The following KCNMB2 variants were observed in gnomAD, a reference collection of about 807,000 sequenced individuals.
KCNMB2 encodes the protein potassium calcium-activated channel subfamily M regulatory beta subunit 2, also known as calcium-activated potassium channel subunit beta-2.
In KCNMB2, 9 loss-of-function variants were observed where a neutral mutation model predicts 24.5. The ratio of observed to expected loss-of-function variants is 0.37; its 90% confidence interval spans 0.22 to 0.64. KCNMB2 has a LOEUF of 0.64. Ranked by LOEUF, KCNMB2 falls within the 30% of genes least tolerant of loss-of-function variation. The pLI is 0.63. For synonymous variants in KCNMB2, 109 were observed against 104.4 expected (o/e 1.04, Z -0.27); for missense variants, 226 against 284.3 (o/e 0.79, Z 1.47).
At chr3:178,536,879 T>G (rs1489921614) in intron 1 of KCNMB2, among the ~76,000 whole-genome samples, 168 bp downstream of exon 1, 1 of 152,204 alleles carries the variant, frequency 6.6e-6, no homozygotes, top group African/African-American at 2.4e-5. Context: ...TGGACAGTAT[T>G]ATGTTTTATG....
At chr3:178,825,056 C>G (rs923227297) in intron 2 of KCNMB2, among the ~76,000 whole-genome samples, 1 of 152,174 alleles carries the variant, frequency 6.6e-6, no homozygotes, top group Non-Finnish European at 1.5e-5. Context: ...CCAACAAAGC[C>G]CTAAGCAGCT....
rs138957429 is a variant in KCNMB2 at position 178,675,154 on chromosome 3, T to C, written c.-67-132189T>C. Among the ~76,000 whole-genome samples the C allele has an allele frequency of 2.4e-3, 366 of 152,334 alleles. 1 individual carries two copies. The highest frequency in any genetic ancestry group is 8.4e-3 in the African/African-American group (350 of 41,584). ...AATGAAAGATAATATAGTTTTAAAA[T>C]ATAATTTTGATTCATTTTTAATTCA... On this transcript the variant is annotated intron_variant, in intron 1 of 4. Coordinates refer to ENST00000452583, the MANE Select transcript of KCNMB2 (RefSeq NM_181361.3).
At chr3:178,816,613 T>A (rs187381113) in intron 2 of KCNMB2, among the ~76,000 whole-genome samples, 6 of 152,288 alleles carry the variant, frequency 3.9e-5, no homozygotes, top group Non-Finnish European at 8.8e-5. Flanking sequence ...TGAAACTATA[T>A]ATTTCTATCC....
chr3:178,655,099 T>TCC (rs1720278597), intron 1 of KCNMB2, among the ~76,000 whole-genome samples: 1 of 60,360 alleles, frequency 1.7e-5, no homozygotes, highest in Non-Finnish European at 3.6e-5. Context: ...GCTCTCCCTC[T>TCC]CTCTCTCTCT....
chr3:178,574,152 G>T (rs1220266797), intron 1 of KCNMB2, among the ~76,000 whole-genome samples: 1 of 152,104 alleles, frequency 6.6e-6, no homozygotes, highest in Non-Finnish European at 1.5e-5. Flanking sequence ...TAAGAACAGA[G>T]GTCCTCTAAG....
intron 1 of KCNMB2, among the ~76,000 whole-genome samples, chr3:178,568,180 T>G (rs1026946098): frequency 1.3e-5 from 2 of 152,166 alleles, no homozygotes; most frequent in Non-Finnish European, 2.9e-5. Flanking sequence ...TGGTTTATAA[T>G]TTAATATATA....
intron 1 of KCNMB2, among the ~76,000 whole-genome samples, chr3:178,680,696 G>A (rs1396557873): frequency 3.3e-5 from 5 of 152,196 alleles, no homozygotes; most frequent in Non-Finnish European, 5.9e-5. Flanking sequence ...GGGACACCAC[G>A]CTCTCCTGGT....
intron 1 of KCNMB2, among the ~76,000 whole-genome samples, chr3:178,728,198 T>C (rs145906655): frequency 6.6e-6 from 1 of 152,232 alleles, no homozygotes; most frequent in Non-Finnish European, 1.5e-5. Flanking sequence ...CTTCCTGTGA[T>C]TTTTCCTTAA....
At chr3:178,804,752 C>G (rs1713899170) in intron 1 of KCNMB2, among the ~76,000 whole-genome samples, 1 of 152,154 alleles carries the variant, frequency 6.6e-6, no homozygotes, top group Non-Finnish European at 1.5e-5. Context: ...AGGAACAGGA[C>G]AGCACTCAGG....
intron 1 of KCNMB2, among the ~76,000 whole-genome samples, chr3:178,542,301 G>C (rs556547088): frequency 6.6e-6 from 1 of 152,320 alleles, no homozygotes; most frequent in East Asian, 1.9e-4. Context: ...GGTAATTGAT[G>C]ACAGTAATAA....
intron 1 of KCNMB2, among the ~76,000 whole-genome samples, chr3:178,598,514 T>G (rs930799689): frequency 6.6e-6 from 1 of 152,106 alleles, no homozygotes; most frequent in Non-Finnish European, 1.5e-5. Flanking sequence ...GAGAGATATT[T>G]GTTTTTTAGA....
chr3:178,544,930 C>T (rs992042340), intron 1 of KCNMB2, among the ~76,000 whole-genome samples: 33 of 152,172 alleles, frequency 2.2e-4, no homozygotes, highest in African/African-American at 7.9e-4. Flanking sequence ...TTAAAAACAA[C>T]CTCTTGATTA....
chr3:178,719,198 C>T (rs1722717358), intron 1 of KCNMB2, among the ~76,000 whole-genome samples: 3 of 151,112 alleles, frequency 2.0e-5, no homozygotes, highest in Non-Finnish European at 4.4e-5. Context: ...TGTCAACACC[C>T]TTTCTCCTGT....
intron 1 of KCNMB2, among the ~76,000 whole-genome samples, chr3:178,723,109 A>G (rs920630446): frequency 6.6e-6 from 1 of 152,186 alleles, no homozygotes; most frequent in African/African-American, 2.4e-5. Context: ...TTGTCTTACT[A>G]TAGCATTATA....
At chr3:178,758,336 C>A (rs1256640896) in intron 1 of KCNMB2, among the ~76,000 whole-genome samples, 1 of 12,662 alleles carries the variant, frequency 7.9e-5, no homozygotes, top group Non-Finnish European at 1.2e-4. Context: ...ATATATATCT[C>A]CAAGAGGGGA....
At chr3:178,774,318 A>T (rs1174222599) in intron 1 of KCNMB2, among the ~76,000 whole-genome samples, 1 of 152,138 alleles carries the variant, frequency 6.6e-6, no homozygotes, top group Non-Finnish European at 1.5e-5. Context: ...TACAAGGTGA[A>T]AAAAGAAAGA....
intron 1 of KCNMB2, among the ~76,000 whole-genome samples, chr3:178,780,152 C>T (rs1056093440): frequency 5.3e-5 from 8 of 151,576 alleles, no homozygotes; most frequent in Non-Finnish European, 1.0e-4. Context: ...ACTTAGATTG[C>T]CCTTTCTTTG....
At chr3:178,568,890 A>G (rs968547670) in intron 1 of KCNMB2, among the ~76,000 whole-genome samples, 1 of 147,594 alleles carries the variant, frequency 6.8e-6, no homozygotes, top group Non-Finnish European at 1.5e-5. Context: ...ATAGATAGAT[A>G]GATAGATAGA....
At chr3:178,713,367 T>C (rs906263528) in intron 1 of KCNMB2, among the ~76,000 whole-genome samples, 11 of 152,198 alleles carry the variant, frequency 7.2e-5, no homozygotes, top group Admixed American at 7.2e-4. Flanking sequence ...TCTGTAAAGC[T>C]GGTCCACATG....
Sources: gnomAD v4.1 joint callset for allele counts (sites outside exome capture counted in the v4.1 genomes callset) on GRCh38, gnomAD v4.1.1 for gene constraint, MANE v1.5 for transcripts, NCBI Gene and HGNC (gene_info 2026-07-23, HGNC 2026-07-21) for gene names.